BLK: variants seen among roughly 807,000 people sequenced by gnomAD.
BLK encodes BLK proto-oncogene, Src family tyrosine kinase.
Under a neutral mutation model 61.8 loss-of-function variants are expected in BLK, and 64 were observed. The ratio of observed to expected loss-of-function variants is 1.03; its 90% CI spans 0.85 to 1.27. The LOEUF (loss-of-function observed/expected upper bound fraction) is 1.27. BLK is among the 50% of genes most tolerant of loss of function. BLK has a pLI of 0.00. For synonymous variants in BLK, 351 were observed against 272.0 expected, an observed-to-expected ratio of 1.29 and a Z score of -2.86; for missense variants, 853 against 660.5, an observed-to-expected ratio of 1.29 and a Z score of -3.19.
chr8:11,520,592 C>T (rs1799411599), intron 1 of BLK, among the ~76,000 whole-genome samples: 1 of 147,356 alleles, frequency 6.8e-6, no homozygotes, highest in Admixed American at 6.7e-5. Flanking sequence ...CTTGTTGTAA[C>T]CTAAAGAAAA....
At chr8:11,505,197 T>C (rs1798723227) in intron 1 of BLK, among the ~76,000 whole-genome samples, 1 of 152,198 alleles carries the variant, frequency 6.6e-6, no homozygotes, top group African/African-American at 2.4e-5. Flanking sequence ...ACTGAACAAA[T>C]AAATTCTGTG....
intron 1 of BLK, among the ~76,000 whole-genome samples, chr8:11,520,318 T>C (rs925269897): frequency 1.3e-5 from 2 of 151,318 alleles, no homozygotes; most frequent in African/African-American, 4.9e-5. Flanking sequence ...CTCTATAAAA[T>C]TTACAAGAAC....
intron 1 of BLK, among the ~76,000 whole-genome samples, chr8:11,527,170 C>A (rs1799690787): frequency 1.3e-5 from 2 of 152,046 alleles, no homozygotes; most frequent in Non-Finnish European, 2.9e-5. Context: ...TACCAGCTTA[C>A]AAAACTCAAC....
intron 1 of BLK, among the ~76,000 whole-genome samples, chr8:11,538,289 G>A (rs1800222535): frequency 6.6e-6 from 1 of 152,162 alleles, no homozygotes; most frequent in Non-Finnish European, 1.5e-5. Flanking sequence ...CCTCTGTCTG[G>A]ACTTCTGCAC....
At chr8:11,532,731 T>C (rs1037776977) in intron 1 of BLK, among the ~76,000 whole-genome samples, 1 of 152,246 alleles carries the variant, frequency 6.6e-6, no homozygotes, top group African/African-American at 2.4e-5. Context: ...ACTTTTCTCC[T>C]AGTTGAGAGT....
At chr8:11,503,646 T>A (rs1798650287) in intron 1 of BLK, among the ~76,000 whole-genome samples, 1 of 152,178 alleles carries the variant, frequency 6.6e-6, no homozygotes, top group Non-Finnish European at 1.5e-5. Context: ...GCAAGGGTGC[T>A]CTTTCTTGGC....
chr8:11,516,635 G>A (rs192544586), intron 1 of BLK, among the ~76,000 whole-genome samples: 23 of 152,268 alleles, frequency 1.5e-4, no homozygotes, highest in Admixed American at 1.0e-3. Context: ...CATCTGTGTC[G>A]ATGAATTGGG....
rs903692477 is a variant in BLK, at chr8:11,562,898, C to T, written c.1181-81C>T. 8.0e-5 allele frequency: 128 copies of T among 1,590,276 alleles called. No homozygotes were observed. In the East Asian group the frequency reaches 2.9e-3, roughly 36 times the overall value. On this transcript the variant is annotated intron_variant, in intron 11 of 12. Coordinates refer to ENST00000259089, the MANE Select transcript of BLK (RefSeq NM_001715.3). The stretch of plus-strand genomic sequence containing the variant: ...CAGTGGGGGCTTGATGGAAGGACAG[C>T]AGGAGCAGGGGTAGGGGTGAGGATG...
intron 11 of BLK, among the ~76,000 whole-genome samples, chr8:11,562,515 G>A (rs184923679): frequency 1.9e-3 from 287 of 152,350 alleles, no homozygotes; most frequent in Non-Finnish European, 2.1e-3. Flanking sequence ...GCAGCCGGAT[G>A]TGAGTTCTTC....
intron 1 of BLK, among the ~76,000 whole-genome samples, chr8:11,500,561 G>A (rs1798518441): frequency 6.6e-6 from 1 of 151,460 alleles, no homozygotes; most frequent in South Asian, 2.1e-4. Flanking sequence ...TGCCTCCCAG[G>A]CTGGAGTGCA....
intron 10 of BLK, chr8:11,560,691 C>T (rs951275385): frequency 2.7e-6 from 1 of 365,380 alleles, no homozygotes; most frequent in African/African-American, 2.1e-5. Context: ...CCACCTGGAT[C>T]TGCCAGTGCT....
chr8:11,540,590 T>C (rs1212465528), intron 1 of BLK, among the ~76,000 whole-genome samples: 2 of 152,140 alleles, frequency 1.3e-5, no homozygotes, highest in Non-Finnish European at 2.9e-5. Flanking sequence ...GAACAGAGTA[T>C]AATAATTACA....
At chr8:11,530,328 T>C (rs1261613888) in intron 1 of BLK, among the ~76,000 whole-genome samples, 1 of 152,212 alleles carries the variant, frequency 6.6e-6, no homozygotes, top group African/African-American at 2.4e-5. Flanking sequence ...TGTCAGAAAG[T>C]GACATTCTTT....
At chr8:11,524,783 G>T (rs896241512) in intron 1 of BLK, among the ~76,000 whole-genome samples, 2 of 152,156 alleles carry the variant, frequency 1.3e-5, no homozygotes, top group Admixed American at 6.5e-5. Context: ...TAAACCTCAC[G>T]ATCAGATGCT....
intron 6 of BLK, chr8:11,554,348 C>T: frequency 3.2e-6 from 1 of 314,912 alleles, no homozygotes; most frequent in East Asian, 7.8e-5. Flanking sequence ...AAGAGATACC[C>T]TCTTTAGCCA....
chr8:11,523,839 G>GT (rs34969445), intron 1 of BLK, among the ~76,000 whole-genome samples: 22 of 149,158 alleles, frequency 1.5e-4, no homozygotes, highest in South Asian at 2.1e-4. Flanking sequence ...TGACAGAGTT[G>GT]TTTTTTTTTT....
rs1396991172 is a variant in BLK, at chr8:11,518,093, A to G, written c.-2+23502A>G. Reference sequence around the variant, plus strand: ...GAACCGAGGCTGGGAGGGGCGAGAGAGTGTGCAGGGTACGCAGTGGGTGAA... The same window carrying G: ...GAACCGAGGCTGGGAGGGGCGAGAGGGTGTGCAGGGTACGCAGTGGGTGAA... On this transcript the variant is annotated intron_variant, in intron 1 of 12. Transcript: ENST00000259089. Among the ~76,000 whole-genome samples the G allele has an allele frequency of 4.6e-5, 7 of 152,212 alleles. No individual in the cohort carries two copies. The South Asian group carries it at 1.5e-3, about 32-fold the overall frequency.
Position 11,558,480 on chromosome 8 carries a change from C to A in BLK, c.1029+442C>A, listed in dbSNP as rs556551750. ...CCATCCCAGGGGCCCTCAGCCTTTGCACAGCCCTGGCGTCGACCCCAGGCT... is the reference window on the plus strand; with the variant it reads ...CCATCCCAGGGGCCCTCAGCCTTTGAACAGCCCTGGCGTCGACCCCAGGCT... On this transcript the variant is annotated intron_variant, in intron 10 of 12. Coordinates refer to ENST00000259089, the MANE Select transcript of BLK (RefSeq NM_001715.3). 2.6e-4 allele frequency: 94 copies of A among 364,738 alleles called. 2 individuals are homozygous for A. The highest frequency in any genetic ancestry group is 1.9e-3 in the South Asian group (91 of 48,712). 22.6% of individuals were successfully genotyped at this position (364,738 alleles called of 1,614,324 possible). A position where few individuals can be genotyped will look rare whatever the true frequency, so the allele number is the denominator to read the frequency against.
chr8:11,549,052 C>A lies in BLK; in HGVS notation c.298C>A (p.Leu100Ile). 6.2e-7 allele frequency: 1 copy of A among 1,611,028 alleles called. No individual in the cohort carries two copies. Among genetic ancestry groups the A allele is most frequent in the Non-Finnish European group, 8.5e-7 (1 of 1,178,880 alleles). Residue 100 changes from leucine to isoleucine, a missense_variant, in exon 5 of 13, where the codon CTC becomes ATC. Physicochemically the swap from Leu to Ile is conservative, Grantham distance 5. Transcript: ENST00000259089. ...GTGDWWLARS[L>I]VTGREGYVPS... ...TGGAGACTGGTGGCTGGCCAGGTCACTCGTCACAGGAAGAGAAGGCTATGT... is the reference window on the plus strand; with the variant it reads ...TGGAGACTGGTGGCTGGCCAGGTCAATCGTCACAGGAAGAGAAGGCTATGT...
Sources: allele counts gnomAD v4.1 joint callset (sites outside exome capture counted in the v4.1 genomes callset), GRCh38; gene constraint gnomAD v4.1.1; transcripts MANE v1.5; gene names NCBI Gene and HGNC (gene_info 2026-07-23, HGNC 2026-07-21).